The following SRRM2 variants were observed in gnomAD, a reference collection of about 807,000 sequenced individuals.
The protein encoded by SRRM2 is serine/arginine repetitive matrix 2.
SRRM2 carries 30 observed loss-of-function variants against 213.8 expected under a neutral mutation model. That is an observed-to-expected ratio of 0.14 (90% CI 0.10 to 0.19). The LOEUF is 0.19. Among genes scored for constraint, SRRM2 ranks in the 10% least tolerant of loss-of-function variants. The pLI is 1.00. For missense variants in SRRM2, 4,904 were observed against 3,647.0 expected, an observed-to-expected ratio of 1.34 and a Z score of -8.88; for synonymous variants, 2,025 against 1,377.7, an observed-to-expected ratio of 1.47 and a Z score of -10.40.
rs778204575 is a variant in SRRM2, at chr16:2,764,330, T to G, written c.3802T>G (p.Phe1268Val). ...ACTTAAAGAAATGTCCACAAGTAAC[T>G]TTGAATCATCTCCTGAAGTAGAAGA... ...SELKEMSTSNFESSPEVEERP... is the reference protein window; with the variant it reads ...SELKEMSTSNVESSPEVEERP... Residue 1268 changes from phenylalanine to valine, a missense_variant, in exon 11 of 15, where the codon TTT becomes GTT. By Grantham distance (50) the Phe-to-Val change is conservative (BLOSUM62 -1). Transcript: ENST00000301740. 4.8e-5 allele frequency: 78 copies of G among 1,614,092 alleles called. No individual in the cohort carries two copies. Among genetic ancestry groups the G allele is most frequent in the Non-Finnish European group, 5.9e-5 (70 of 1,180,050 alleles).
rs1434803403 is a variant in SRRM2 at position 2,763,078 on chromosome 16, G to A, written c.2550G>A (p.Pro850=). Residue 850 remains proline (P), a synonymous_variant, in exon 11 of 15, where the codon CCG becomes CCA. Coordinates refer to ENST00000301740, the MANE Select transcript of SRRM2 (RefSeq NM_016333.4). ...PHPKVKSGTP[P]RQGSITSPQA... The stretch of plus-strand genomic sequence containing the variant: ...CTAAAGTGAAATCTGGAACACCACC[G>A]AGGCAAGGGTCCATAACAAGTCCCC... The A allele has an allele frequency of 6.8e-6, 11 of 1,613,918 alleles. No individual in the cohort carries two copies. Among genetic ancestry groups the A allele is most frequent in the South Asian group, 6.6e-5 (6 of 91,070 alleles).
rs775399498 is a variant in SRRM2, at chr16:2,763,838, C to T, written c.3310C>T (p.Pro1104Ser). The T allele has an allele frequency of 1.2e-6, 2 of 1,614,216 alleles. No homozygotes were observed. The highest frequency in any genetic ancestry group is 1.1e-5 in the South Asian group (1 of 91,084). The change falls in exon 11 of 15, where the codon CCA (proline) becomes TCA (serine). Residue 1104 changes from proline (P) to serine (S), a missense_variant. Physicochemically the swap from Pro to Ser is moderately conservative, Grantham distance 74. Transcript: ENST00000301740. The part of the protein sequence containing the change: ...PKGGRSRSSS[P>S]VTELASRSPI... ...GGGAGGTCGGTCCAGGTCTTCATCT[C>T]CAGTCACTGAGCTGGCATCCAGATC...
At chr16:2,770,500 T>C in intron 13 of SRRM2, 35 bp downstream of exon 13, 7 of 1,580,798 alleles carry the variant, frequency 4.4e-6, no homozygotes, top group Non-Finnish European at 6.0e-6. Flanking sequence ...ACCCAGCCTG[T>C]CTGGCCGCCA....
At chr16:2,754,044 C>T (rs562645085) in intron 1 of SRRM2, among the ~76,000 whole-genome samples, 21 of 152,240 alleles carry the variant, frequency 1.4e-4, no homozygotes, top group South Asian at 2.1e-4. Context: ...GTACTTTTTA[C>T]TTTCTGCTTT....
Position 2,771,116 on chromosome 16 carries a change from G to C in SRRM2, c.*249G>C, listed in dbSNP as rs2068733315. On this transcript the variant is annotated 3_prime_UTR_variant, in exon 15 of 15. Coordinates refer to ENST00000301740, the MANE Select transcript of SRRM2 (RefSeq NM_016333.4). ...GGGAGGGAATGCAGATGGGAGTTGG[G>C]GGAGGGGAGGATACAGTTCAGGATA... is the stretch of plus-strand genomic sequence containing the variant. 1.6e-6 allele frequency: 1 copy of C among 609,014 alleles called. No homozygotes were observed. The highest frequency in any genetic ancestry group is 4.3e-4 in the Middle Eastern group (1 of 2,306). 37.7% of individuals were successfully genotyped at this position (609,014 alleles called of 1,614,324 possible). A position where few individuals can be genotyped will look rare whatever the true frequency, so the allele number is the denominator to read the frequency against.
rs146277556 is a variant in SRRM2 at position 2,762,359 on chromosome 16, C to T, written c.1831C>T (p.Arg611Trp). Reference sequence around the variant, plus strand: ...TAGGTCTCGGTCTAGAACACCAGCCCGGAGGGGCAGGTCTCGGTCTAGAAC... The same window carrying T: ...TAGGTCTCGGTCTAGAACACCAGCCTGGAGGGGCAGGTCTCGGTCTAGAAC... ...RRRSRSRTPA[R>W]RGRSRSRTPA... Residue 611 changes from arginine to tryptophan, a missense_variant, in exon 11 of 15, where the codon CGG becomes TGG. Physicochemically the swap from Arg to Trp is moderately radical, Grantham distance 101. Coordinates refer to ENST00000301740, the MANE Select transcript of SRRM2 (RefSeq NM_016333.4). The T allele has an allele frequency of 2.7e-5, 44 of 1,612,224 alleles. No homozygotes were observed. Among genetic ancestry groups the T allele is most frequent in the African/African-American group, 2.7e-4 (20 of 74,394 alleles).
Position 2,767,825 on chromosome 16 carries a change from C to G in SRRM2, c.7297C>G (p.Gln2433Glu). The G allele has an allele frequency of 6.2e-7, 1 of 1,614,046 alleles. No individual in the cohort carries two copies. Among genetic ancestry groups the G allele is most frequent in the Non-Finnish European group, 8.5e-7 (1 of 1,179,988 alleles). Reference sequence around the variant, plus strand: ...TCCCTCCCCTTCCTCTAGAATGGGCCAGGCTCCTTCACAGTCTCTTCTCCC... The same window carrying G: ...TCCCTCCCCTTCCTCTAGAATGGGCGAGGCTCCTTCACAGTCTCTTCTCCC... ...RAPSPSSRMG[Q>E]APSQSLLPPA... Residue 2433 changes from glutamine to glutamate, a missense_variant, in exon 11 of 15, where the codon CAG (glutamine) becomes GAG (glutamate). Transcript: ENST00000301740.
rs1264665607 is a variant in SRRM2, at chr16:2,764,931, A to C, written c.4403A>C (p.Asp1468Ala). 1 of 1,614,034 alleles carries C rather than the reference A, an allele frequency of 6.2e-7. No homozygotes were observed. Among genetic ancestry groups the C allele is most frequent in the Non-Finnish European group, 8.5e-7 (1 of 1,180,030 alleles). ...TCTGGGTCCTCTCCTGGAATGAAAGATATACCTAGAACGCCATCTAGAGGG... is the reference window on the plus strand; with the variant it reads ...TCTGGGTCCTCTCCTGGAATGAAAGCTATACCTAGAACGCCATCTAGAGGG... ...SLSGSSPGMK[D>A]IPRTPSRGRS... The change falls in exon 11 of 15, where the codon GAT (aspartate) becomes GCT (alanine). Residue 1468 changes from aspartate to alanine, a missense_variant. Transcript: ENST00000301740.
rs1457171194 is a variant in SRRM2, at chr16:2,767,341, C to A, written c.6813C>A (p.Ala2271=). ...CTGCAGCAGCGGCCATGAACTTGGC[C>A]AGCCCCAGAACAGCGGTGGCACCTT... The part of the protein sequence containing the change: ...TPAAAAAMNL[A]SPRTAVAPSA... The change falls in exon 11 of 15, where the codon GCC becomes GCA. Residue 2271 remains alanine, a synonymous_variant. Coordinates refer to ENST00000301740, the MANE Select transcript of SRRM2 (RefSeq NM_016333.4). 1.2e-6 allele frequency: 2 copies of A among 1,613,906 alleles called. No homozygotes were observed. The highest frequency in any genetic ancestry group is 4.5e-5 in the East Asian group (2 of 44,886).
At chr16:2,759,841 T>TC (rs1464217378) in intron 9 of SRRM2, 180 bp downstream of exon 9, 1 of 586,642 alleles carries the variant, frequency 1.7e-6, no homozygotes, top group African/African-American at 1.9e-5. Flanking sequence ...TTTCCCCTTC[T>TC]CTTTTTTTTT....
chr16:2,763,707 A>G lies in SRRM2; in HGVS notation c.3179A>G (p.Gln1060Arg). Residue 1060 changes from glutamine to arginine, a missense_variant, in exon 11 of 15, where the codon CAA (glutamine) becomes CGA (arginine). Physicochemically the swap from Gln to Arg is conservative, Grantham distance 43. Coordinates refer to ENST00000301740, the MANE Select transcript of SRRM2 (RefSeq NM_016333.4). ...FGVSSLQLKG[Q>R]SQTSPDHRSD... is the part of the protein sequence containing the mutation. Reference sequence around the variant, plus strand: ...GTCTCATCTCTGCAACTGAAAGGACAATCTCAAACTTCACCAGACCACAGA... The same window carrying G: ...GTCTCATCTCTGCAACTGAAAGGACGATCTCAAACTTCACCAGACCACAGA... 6.2e-7 allele frequency: 1 copy of G among 1,614,182 alleles called. No homozygotes were observed. Among genetic ancestry groups the G allele is most frequent in the Non-Finnish European group, 8.5e-7 (1 of 1,180,030 alleles).
At position 2,761,579 on chromosome 16, in the gene SRRM2, A is replaced by G. The variant is rs755950417; in HGVS notation, c.1051A>G (p.Ser351Gly). 12 of 1,512,450 alleles carry G rather than the reference A, an allele frequency of 7.9e-6. No homozygotes were observed. The highest frequency in any genetic ancestry group is 1.1e-5 in the Non-Finnish European group (12 of 1,132,950). The allele number at this position is 1,512,450 out of a possible 1,614,324, so 93.7% of individuals were successfully genotyped here. Residue 351 changes from serine (S) to glycine (G), a missense_variant, in exon 11 of 15, where the codon AGC (serine) becomes GGC (glycine). Ser to Gly is a moderately conservative substitution (Grantham distance 56). Coordinates refer to ENST00000301740, the MANE Select transcript of SRRM2 (RefSeq NM_016333.4). ...CTCTTAGAAATCTGCAACTCGACCT[A>G]GCCCCTCTCCGGAAAGGAGCAGCAC... ...DKKEKSATRP[S>G]PSPERSSTGP... is the part of the protein sequence containing the mutation.
chr16:2,765,643 T>C lies in SRRM2; in HGVS notation c.5115T>C (p.Arg1705=). 1.2e-6 allele frequency: 2 copies of C among 1,614,126 alleles called. No homozygotes were observed. Among genetic ancestry groups the C allele is most frequent in the African/African-American group, 1.3e-5 (1 of 75,034 alleles). ...PELTRKARLS[R]RSRSASSSPE... Reference sequence around the variant, plus strand: ...TAACAAGGAAGGCCAGACTGTCCCGTAGAAGCCGCTCTGCCTCATCCTCAC... The same window carrying C: ...TAACAAGGAAGGCCAGACTGTCCCGCAGAAGCCGCTCTGCCTCATCCTCAC... Residue 1705 remains arginine (R), a synonymous_variant, in exon 11 of 15, where the codon CGT becomes CGC. Coordinates refer to ENST00000301740, the MANE Select transcript of SRRM2 (RefSeq NM_016333.4).
intron 10 of SRRM2, 92 bp downstream of exon 10, chr16:2,760,591 A>T: frequency 1.4e-6 from 2 of 1,403,928 alleles, no homozygotes; most frequent in African/African-American, 1.5e-5. Flanking sequence ...ATAACTTATT[A>T]AAATAAATAA....
Position 2,763,239 on chromosome 16 carries a change from C to T in SRRM2, c.2711C>T (p.Pro904Leu), listed in dbSNP as rs770261597. ...SSPPRVKSSTPPRQSPSRSSS... is the reference protein window; with the variant it reads ...SSPPRVKSSTLPRQSPSRSSS... Reference sequence around the variant, plus strand: ...CCTCCTAGAGTGAAATCTAGCACACCTCCCAGACAGAGCCCATCTAGGTCA... The same window carrying T: ...CCTCCTAGAGTGAAATCTAGCACACTTCCCAGACAGAGCCCATCTAGGTCA... Residue 904 changes from proline to leucine, a missense_variant, in exon 11 of 15, where the codon CCT (proline) becomes CTT (leucine). Transcript: ENST00000301740. 6.2e-6 allele frequency: 10 copies of T among 1,614,116 alleles called. No individual in the cohort carries two copies. The highest frequency in any genetic ancestry group is 1.1e-5 in the South Asian group (1 of 91,082).
At chr16:2,759,754 A>G in intron 9 of SRRM2, 93 bp downstream of exon 9, 1 of 1,208,150 alleles carries the variant, frequency 8.3e-7, no homozygotes, top group South Asian at 1.3e-5. Context: ...TAGGCGCTGC[A>G]CAGACCATTC....
At chr16:2,753,036 A>ACCCCCCCCCCCCCCCC (rs5815132) in intron 1 of SRRM2, among the ~76,000 whole-genome samples, 190 bp downstream of exon 1, 1 of 138,426 alleles carries the variant, frequency 7.2e-6, no homozygotes, top group Non-Finnish European at 1.6e-5. Context: ...CGCGGGCTTC[A>ACCCCCCCCCCCCCCCC]CCCCCCCCCG....
rs114827582 is a variant in SRRM2 at position 2,759,297 on chromosome 16, G to T, written c.690-55G>T. 2.2e-5 allele frequency: 36 copies of T among 1,609,372 alleles called. No individual in the cohort carries two copies. In the African/African-American group the frequency reaches 4.0e-4, roughly 18 times the overall value. On this transcript the variant is annotated intron_variant, in intron 7 of 14. Transcript: ENST00000301740. ...ACTCCCTCTTTCCATTTCACTTTTG[G>T]TTTTATTTCCTTTTTTAAAGAAGTT... is the stretch of plus-strand genomic sequence containing the variant.
intron 1 of SRRM2, chr16:2,753,412 T>G (rs1000549262): frequency 6.6e-6 from 1 of 152,232 alleles, no homozygotes; most frequent in Non-Finnish European, 1.5e-5. Context: ...TGGGCCGGAT[T>G]TAAATGGTTT....
Sources: allele counts gnomAD v4.1 joint callset (sites outside exome capture counted in the v4.1 genomes callset), GRCh38; gene constraint gnomAD v4.1.1; transcripts MANE v1.5; gene names NCBI Gene and HGNC (gene_info 2026-07-23, HGNC 2026-07-21).